WDR17: variants seen among roughly 807,000 people sequenced by gnomAD.
WDR17 encodes the protein WD repeat-containing protein 17.
WDR17 carries 143 observed loss-of-function variants against 161.7 expected under a neutral mutation model. That is an observed-to-expected ratio of 0.88 (90% CI 0.77 to 1.02). The LOEUF (loss-of-function observed/expected upper bound fraction) is 1.02, where lower values mean the gene tolerates loss of function less well. Among genes scored for constraint, WDR17 ranks in the 50% least tolerant of loss-of-function variants. WDR17 has a pLI of 0.00. For synonymous variants in WDR17, 517 were observed against 515.6 expected, an observed-to-expected ratio of 1.00 and a Z score of -0.04; for missense variants, 1,469 against 1,520.9, an observed-to-expected ratio of 0.97 and a Z score of 0.57.
At chr4:176,128,519 A>G (rs965455284) in intron 5 of WDR17, among the ~76,000 whole-genome samples, 14 of 152,180 alleles carry the variant, frequency 9.2e-5, no homozygotes, top group African/African-American at 3.4e-4. Flanking sequence ...AAACCTATAA[A>G]AGGTTTTGGA....
intron 7 of WDR17, among the ~76,000 whole-genome samples, chr4:176,132,376 A>G (rs1743606461): frequency 6.6e-6 from 1 of 152,098 alleles, no homozygotes; most frequent in South Asian, 2.1e-4. Context: ...TATTTGTCAA[A>G]AACAATCCTC....
chr4:176,080,100 G>A (rs1288856270), intron 1 of WDR17, among the ~76,000 whole-genome samples: 1 of 151,866 alleles, frequency 6.6e-6, no homozygotes, highest in Non-Finnish European at 1.5e-5. Context: ...TCAAACCATA[G>A]CAGCAGTCAT....
intron 1 of WDR17, among the ~76,000 whole-genome samples, chr4:176,080,871 G>A (rs1734658121): frequency 6.6e-6 from 1 of 152,062 alleles, no homozygotes; most frequent in Admixed American, 6.6e-5. Flanking sequence ...AATTGTGTAT[G>A]AAATGCTTAT....
chr4:176,135,149 C>T lies in WDR17; in HGVS notation c.1140C>T (p.Asp380=), dbSNP rs373229064. 253 of 1,612,086 alleles carry T rather than the reference C, an allele frequency of 1.6e-4. No individual in the cohort carries two copies. Among genetic ancestry groups the T allele is most frequent in the Middle Eastern group, 4.9e-4 (3 of 6,076 alleles). The change falls in exon 8 of 29, where the codon GAC becomes GAT. Residue 380 remains aspartate, a synonymous_variant. Coordinates refer to ENST00000508596, the MANE Select transcript of WDR17 (RefSeq NM_181265.4). ...ETIFDCKFKP[D]DPNLLATASF... is the part of the protein sequence containing the mutation. Reference sequence around the variant, plus strand: ...TCTTTGACTGCAAATTCAAACCTGACGATCCTAATCTTTTAGCAACAGCTT... The same window carrying T: ...TCTTTGACTGCAAATTCAAACCTGATGATCCTAATCTTTTAGCAACAGCTT...
chr4:176,086,216 G>C (rs72706343), intron 1 of WDR17, among the ~76,000 whole-genome samples: 1 of 151,722 alleles, frequency 6.6e-6, no homozygotes, highest in African/African-American at 2.4e-5. Flanking sequence ...CTCTGCACAC[G>C]GTTAATTTTT....
At chr4:176,096,620 C>A in intron 1 of WDR17, 2 of 1,519,320 alleles carry the variant, frequency 1.3e-6, no homozygotes, top group South Asian at 1.2e-5. Flanking sequence ...CGATTTCCTG[C>A]GATTTTTTTT....
intron 21 of WDR17, 29 bp from the exon 22 acceptor site, chr4:176,163,125 C>T (rs1271666376): frequency 6.2e-7 from 1 of 1,613,758 alleles, no homozygotes; most frequent in East Asian, 2.2e-5. Context: ...TTCTATGCAA[C>T]TGAAGAAATT....
At chr4:176,131,785 A>G (rs1743499528) in intron 7 of WDR17, 47 bp downstream of exon 7, 1 of 1,374,934 alleles carries the variant, frequency 7.3e-7, no homozygotes, top group South Asian at 1.9e-5. Context: ...TTTTTTGTGT[A>G]AACCCATGAT....
chr4:176,110,380 C>A (rs1303534887), intron 1 of WDR17, among the ~76,000 whole-genome samples: 1 of 152,164 alleles, frequency 6.6e-6, no homozygotes, highest in Admixed American at 6.5e-5. Flanking sequence ...CCCTCTTCGG[C>A]CTCCCAAAGA....
intron 1 of WDR17, among the ~76,000 whole-genome samples, chr4:176,077,769 A>G (rs1734239616): frequency 1.3e-5 from 2 of 151,854 alleles, no homozygotes; most frequent in South Asian, 4.2e-4. Flanking sequence ...GCCCCTCTCT[A>G]CTGTGCTGGC....
intron 1 of WDR17, among the ~76,000 whole-genome samples, chr4:176,087,095 T>A (rs376996933): frequency 6.6e-6 from 1 of 151,962 alleles, no homozygotes; most frequent in East Asian, 1.9e-4. Context: ...AATGATCATT[T>A]TGTATAGTTA....
intron 1 of WDR17, among the ~76,000 whole-genome samples, chr4:176,101,997 T>G (rs2126662728): frequency 6.6e-6 from 1 of 152,308 alleles, no homozygotes; most frequent in South Asian, 2.1e-4. Flanking sequence ...AAAAGGTATG[T>G]TTTATGAAAA....
At chr4:176,176,026 T>C (rs1751405852) in intron 26 of WDR17, among the ~76,000 whole-genome samples, 1 of 152,176 alleles carries the variant, frequency 6.6e-6, no homozygotes, top group Non-Finnish European at 1.5e-5. Context: ...AAAAATCTCT[T>C]TCTACATAGG....
chr4:176,169,718 G>T (rs776391659), intron 23 of WDR17, among the ~76,000 whole-genome samples: 1 of 152,108 alleles, frequency 6.6e-6, no homozygotes. Context: ...TATTAATACA[G>T]ATTGGCCAAA....
At chr4:176,158,223 C>T (rs2128422) in intron 18 of WDR17, among the ~76,000 whole-genome samples, 105,122 of 152,018 alleles carry the variant, frequency 0.69, 36,734 homozygotes, top group African/African-American at 0.75. Flanking sequence ...CAATAGCAGA[C>T]ATGAGGAGGC....
Position 176,131,540 on chromosome 4 carries a change from TC to T in WDR17, c.914-13del. On this transcript the variant is annotated splice_polypyrimidine_tract_variant and intron_variant, in intron 6 of 28. Transcript: ENST00000508596. ...GGTTTCATTCCAATAGGATTTTTTT[TC>T]TTCTATTTTTAGTTTCAGTCCAATC... is the stretch of plus-strand genomic sequence containing the variant. 15 of 1,587,886 alleles carry T rather than the reference TC, an allele frequency of 9.4e-6. No homozygotes were observed. The highest frequency in any genetic ancestry group is 1.1e-5 in the Non-Finnish European group (13 of 1,170,274).
At chr4:176,165,180 A>C (rs948254376) in intron 22 of WDR17, among the ~76,000 whole-genome samples, 1 of 151,374 alleles carries the variant, frequency 6.6e-6, no homozygotes, top group African/African-American at 2.4e-5. Flanking sequence ...AAAAAAAAAA[A>C]AACCCATTAC....
At chr4:176,115,724 T>C (rs1014553753) in intron 2 of WDR17, 72 bp from the exon 3 acceptor site, 11 of 1,192,066 alleles carry the variant, frequency 9.2e-6, no homozygotes, top group Non-Finnish European at 1.2e-5. Context: ...TAGTTTTGTG[T>C]AATGTGAATA....
At chr4:176,170,506 G>A (rs925779830) in intron 23 of WDR17, among the ~76,000 whole-genome samples, 16 of 151,754 alleles carry the variant, frequency 1.1e-4, no homozygotes, top group African/African-American at 3.9e-4. Flanking sequence ...GTAGAGACAG[G>A]GTTTCACCAT....
Sources: gnomAD v4.1 joint callset for allele counts (sites outside exome capture counted in the v4.1 genomes callset) on GRCh38, gnomAD v4.1.1 for gene constraint, MANE v1.5 for transcripts, NCBI Gene and HGNC (gene_info 2026-07-23, HGNC 2026-07-21) for gene names.